The following FAM184B variants were observed in gnomAD, a reference collection of about 807,000 sequenced individuals.
FAM184B encodes family with sequence similarity 184 member B.
A neutral mutation model predicts 135.9 loss-of-function variants in FAM184B; 111 were observed. The ratio of observed to expected loss-of-function variants is 0.82; its 90% CI spans 0.70 to 0.96. FAM184B has a LOEUF of 0.96. FAM184B is among the 40% of genes least tolerant of loss of function. The probability of loss-of-function intolerance (pLI) is 0.00; values close to 1 mark genes in which losing one functional copy is unlikely to be tolerated. For missense variants in FAM184B, 1,375 were observed against 1,323.9 expected (o/e 1.04, Z -0.60); for synonymous variants, 552 against 524.8 (o/e 1.05, Z -0.71).
chr4:17,744,554 C>T (rs1158496983), intron 1 of FAM184B, among the ~76,000 whole-genome samples: 5 of 151,524 alleles, frequency 3.3e-5, no homozygotes, highest in Non-Finnish European at 7.4e-5. Flanking sequence ...GGTCTTCATT[C>T]CGCAGAGTTG....
rs993302698 is a variant in FAM184B at position 17,630,622 on chromosome 4, G to T, written c.*1910C>A. On this transcript the variant is annotated 3_prime_UTR_variant, in exon 18 of 18. Transcript: ENST00000265018. The stretch of plus-strand genomic sequence containing the variant: ...TGAACGAACTAAGACACTCTAAGCG[G>T]GAAACTCACAAAAAATATTTGGTAG... The T allele has an allele frequency of 9.2e-5, 14 of 152,146 alleles. No individual in the cohort carries two copies. The highest frequency in any genetic ancestry group is 3.1e-4 in the African/African-American group (13 of 41,438). The allele number at this position is 152,146 out of a possible 1,614,324, so 9.4% of individuals were successfully genotyped here. A position where few individuals can be genotyped will look rare whatever the true frequency, so the allele number is the denominator to read the frequency against.
chr4:17,766,965 TG>T (rs1408486709), intron 1 of FAM184B, among the ~76,000 whole-genome samples: 1 of 152,174 alleles, frequency 6.6e-6, no homozygotes, highest in Non-Finnish European at 1.5e-5. Context: ...GGGAGGCACC[TG>T]AGGCCCAGCG....
intron 16 of FAM184B, among the ~76,000 whole-genome samples, chr4:17,634,582 C>G (rs1030554019): frequency 1.3e-5 from 2 of 152,128 alleles, no homozygotes; most frequent in African/African-American, 4.8e-5. Flanking sequence ...CCTCGGCCTC[C>G]CAAAGTGCTG....
chr4:17,766,439 A>C (rs1381639237), intron 1 of FAM184B, among the ~76,000 whole-genome samples: 1 of 152,168 alleles, frequency 6.6e-6, no homozygotes, highest in African/African-American at 2.4e-5. Flanking sequence ...CCAAGTCCCC[A>C]CTAGATAAGC....
At position 17,636,773 on chromosome 4, in the gene FAM184B, C is replaced by T. The variant is rs79873950; in HGVS notation, c.2667-128G>A. On this transcript the variant is annotated intron_variant, in intron 14 of 17. Transcript: ENST00000265018. ...GCCAGGGAGGCCCAGATAGCAGCAGCGGCTTGCCCAGGGCCCCCTGGGGAG... is the reference window on the plus strand; with the variant it reads ...GCCAGGGAGGCCCAGATAGCAGCAGTGGCTTGCCCAGGGCCCCCTGGGGAG... 2.7e-4 allele frequency: 206 copies of T among 766,174 alleles called. 1 individual carries two copies. The East Asian group carries it at 3.9e-3, about 14-fold the overall frequency. The allele number at this position is 766,174 out of a possible 1,614,324, so 47.5% of individuals were successfully genotyped here.
At chr4:17,666,302 ATTC>A (rs1186937491) in intron 7 of FAM184B, among the ~76,000 whole-genome samples, 1 of 128,838 alleles carries the variant, frequency 7.8e-6, no homozygotes, top group Non-Finnish European at 1.7e-5. Flanking sequence ...ATTCCCTGGA[ATTC>A]TTTTTTTTTT....
At position 17,741,379 on chromosome 4, in the gene FAM184B, G is replaced by A. The variant is rs60706319; in HGVS notation, c.142-31735C>T. Among the ~76,000 whole-genome samples, 35 of 152,266 alleles carry A rather than the reference G, an allele frequency of 2.3e-4. 1 individual carries two copies. The South Asian group carries it at 4.3e-3, about 19-fold the overall frequency. ...AAGCAATAAGGTATCACAGGAAAGC[G>A]CAGTCCTGCCCAGGGTTCAAGAGCA... is the stretch of plus-strand genomic sequence containing the variant. On this transcript the variant is annotated intron_variant, in intron 1 of 17. Transcript: ENST00000265018.
At chr4:17,692,886 G>A (rs1716766861) in intron 6 of FAM184B, among the ~76,000 whole-genome samples, 1 of 152,038 alleles carries the variant, frequency 6.6e-6, no homozygotes, top group Non-Finnish European at 1.5e-5. Flanking sequence ...GTATAGTCTG[G>A]ATGATATTCA....
intron 11 of FAM184B, among the ~76,000 whole-genome samples, chr4:17,649,183 G>C (rs1173410830): frequency 6.6e-6 from 1 of 152,156 alleles, no homozygotes; most frequent in East Asian, 1.9e-4. Context: ...TGGATGAGGT[G>C]ATAAAAGTGT....
At chr4:17,737,020 C>A (rs548868439) in intron 1 of FAM184B, among the ~76,000 whole-genome samples, 46 of 152,244 alleles carry the variant, frequency 3.0e-4, no homozygotes, top group African/African-American at 1.1e-3. Context: ...TGGCAGGCAC[C>A]TGTAATCCCA....
At chr4:17,664,449 G>T in intron 8 of FAM184B, 113 bp downstream of exon 8, 1 of 790,434 alleles carries the variant, frequency 1.3e-6, no homozygotes, top group South Asian at 1.9e-5. Context: ...CCCCAAGCAT[G>T]CTGCAAGGAG....
intron 1 of FAM184B, among the ~76,000 whole-genome samples, chr4:17,757,849 T>C (rs770904739): frequency 3.3e-5 from 5 of 152,204 alleles, no homozygotes; most frequent in Non-Finnish European, 4.4e-5. Context: ...AAATATAGTT[T>C]CAAGCTTTCC....
intron 7 of FAM184B, among the ~76,000 whole-genome samples, chr4:17,683,657 T>A (rs1716499947): frequency 6.6e-6 from 1 of 152,124 alleles, no homozygotes; most frequent in Admixed American, 6.5e-5. Context: ...AAGGGAATGG[T>A]TAAATATAAT....
In FAM184B at chr4:17,647,791, T is replaced by G. The variant is rs1200317178; in HGVS notation, c.2192A>C (p.Glu731Ala). ...CTCCGACAGCTCCTGTCTGAGCGAC[T>G]CTGGAAAAGGGAGAGCAGCAGTGAG... is the stretch of plus-strand genomic sequence containing the variant. The part of the protein sequence containing the change: ...RMQAQQALLL[E>A]SLRQELSEQQ... The change falls in exon 12 of 18, where the codon GAG becomes GCG. Residue 731 changes from glutamate (E) to alanine (A), a missense_variant and splice_region_variant. Transcript: ENST00000265018. 1 of 1,549,662 alleles carries G rather than the reference T, an allele frequency of 6.5e-7. No individual in the cohort carries two copies. Among genetic ancestry groups the G allele is most frequent in the African/African-American group, 1.4e-5 (1 of 73,092 alleles).
intron 1 of FAM184B, among the ~76,000 whole-genome samples, chr4:17,720,982 C>T (rs1717510933): frequency 1.3e-5 from 2 of 151,660 alleles, no homozygotes; most frequent in African/African-American, 2.4e-5. Context: ...TTATCTTTCT[C>T]TCTAAAATAT....
chr4:17,673,352 GT>G (rs1312765089), intron 7 of FAM184B, among the ~76,000 whole-genome samples: 1 of 152,156 alleles, frequency 6.6e-6, no homozygotes, highest in Non-Finnish European at 1.5e-5. Context: ...GGAAAACAGT[GT>G]GGAGATTCCT....
chr4:17,732,986 C>A (rs919589723), intron 1 of FAM184B, among the ~76,000 whole-genome samples: 7 of 152,310 alleles, frequency 4.6e-5, no homozygotes, highest in African/African-American at 1.4e-4. Flanking sequence ...AGCTTATCCA[C>A]CATGATCAAG....
intron 1 of FAM184B, among the ~76,000 whole-genome samples, chr4:17,744,722 A>G (rs1252944946): frequency 1.3e-5 from 2 of 151,248 alleles, no homozygotes; most frequent in Non-Finnish European, 3.0e-5. Context: ...TCCATCTCAA[A>G]AAAAAAAAAA....
At chr4:17,662,278 G>A (rs186763549) in intron 8 of FAM184B, among the ~76,000 whole-genome samples, 63 of 152,140 alleles carry the variant, frequency 4.1e-4, no homozygotes, top group Non-Finnish European at 1.5e-4. Context: ...TACGCTTCTG[G>A]GCTATTATAA....
Sources: gnomAD v4.1 joint callset for allele counts (sites outside exome capture counted in the v4.1 genomes callset) on GRCh38, gnomAD v4.1.1 for gene constraint, MANE v1.5 for transcripts, NCBI Gene and HGNC (gene_info 2026-07-23, HGNC 2026-07-21) for gene names.